Variants in ATP13A5 observed in about 807,000 individuals in gnomAD.
The protein encoded by ATP13A5 is probable cation-transporting ATPase 13A5.
ATP13A5 carries 149 observed loss-of-function variants against 150.2 expected under a neutral mutation model. That is an observed-to-expected ratio of 0.99 (90% CI 0.87 to 1.14). The LOEUF is 1.14. ATP13A5 is among the 50% of genes most tolerant of loss of function. The pLI, the probability that ATP13A5 is intolerant of heterozygous loss-of-function variation, is 0.00. For missense variants in ATP13A5, 1,383 were observed against 1,449.3 expected, an observed-to-expected ratio of 0.95 and a Z score of 0.74; for synonymous variants, 497 against 522.2, an observed-to-expected ratio of 0.95 and a Z score of 0.66.
At position 193,362,959 on chromosome 3, in the gene ATP13A5, T is replaced by A. The variant is rs559245009; in HGVS notation, c.384+277A>T. Among the ~76,000 whole-genome samples, 8 of 152,042 alleles carry A rather than the reference T, an allele frequency of 5.3e-5. 1 individual carries two copies. The highest frequency in any genetic ancestry group is 1.9e-4 in the African/African-American group (8 of 41,468). On this transcript the variant is annotated intron_variant, in intron 3 of 29. Coordinates refer to ENST00000342358, the MANE Select transcript of ATP13A5 (RefSeq NM_198505.4). ...ACAGGCAAGCACCACCACACTCAGC[T>A]CATTTTTTGTTTTTATTTTTTTAAT...
In ATP13A5 at chr3:193,327,799, A is replaced by G. The variant is rs546750228; in HGVS notation, c.1462-742T>C. 2.6e-5 allele frequency among the ~76,000 whole-genome samples: 4 copies of G among 152,334 alleles called. No individual in the cohort carries two copies. The East Asian group carries it at 7.7e-4, about 29-fold the overall frequency. On this transcript the variant is annotated intron_variant, in intron 12 of 29. Transcript: ENST00000342358. ...ATTACATACTCTGGTGTCTTGATGC[A>G]GTAGGCTAACAGTTTTAGGCCTGCT...
At chr3:193,347,067 A>G (rs1221429747) in intron 7 of ATP13A5, among the ~76,000 whole-genome samples, 2 of 152,178 alleles carry the variant, frequency 1.3e-5, no homozygotes, top group African/African-American at 4.8e-5. Context: ...ACAACATTGA[A>G]TTGGATCACT....
Position 193,328,035 on chromosome 3 carries a change from A to G in ATP13A5, c.1462-978T>C, listed in dbSNP as rs551153009. Among the ~76,000 whole-genome samples the G allele has an allele frequency of 2.0e-5, 3 of 152,366 alleles. No homozygotes were observed. In the South Asian group the frequency reaches 6.2e-4, roughly 32 times the overall value. On this transcript the variant is annotated intron_variant, in intron 12 of 29. Coordinates refer to ENST00000342358, the MANE Select transcript of ATP13A5 (RefSeq NM_198505.4). ...CCGTCATTATAGCACATCCATTAGC[A>G]TAATGCTTTACAGGAAAGTGTTTAC...
chr3:193,312,240 A>G (rs1718882857), intron 19 of ATP13A5, among the ~76,000 whole-genome samples: 1 of 152,184 alleles, frequency 6.6e-6, no homozygotes. Flanking sequence ...CCAAATAGTT[A>G]TTACAAGAAT....
At chr3:193,317,060 C>T (rs545922504) in intron 17 of ATP13A5, among the ~76,000 whole-genome samples, 7 of 152,174 alleles carry the variant, frequency 4.6e-5, no homozygotes, top group South Asian at 4.1e-4. Context: ...TGCTTCTTCT[C>T]GTTCACTACT....
intron 1 of ATP13A5, among the ~76,000 whole-genome samples, chr3:193,367,001 T>A (rs1713262604): frequency 6.6e-6 from 1 of 151,986 alleles, no homozygotes; most frequent in Non-Finnish European, 1.5e-5. Flanking sequence ...TCGAACTGAA[T>A]GAAAATGAAA....
intron 27 of ATP13A5, 64 bp from the exon 28 acceptor site, chr3:193,279,518 T>C (rs1407367219): frequency 1.2e-5 from 16 of 1,332,014 alleles, no homozygotes; most frequent in Non-Finnish European, 1.6e-5. Context: ...TTGGCACACA[T>C]TGCAGAATCA....
chr3:193,284,596 G>C (rs183315897), intron 27 of ATP13A5, among the ~76,000 whole-genome samples: 3 of 152,290 alleles, frequency 2.0e-5, no homozygotes, highest in East Asian at 3.9e-4. Flanking sequence ...AGGCTAAAGA[G>C]GTTAATTTGC....
At chr3:193,328,338 T>C (rs1235681970) in intron 12 of ATP13A5, among the ~76,000 whole-genome samples, 2 of 152,264 alleles carry the variant, frequency 1.3e-5, no homozygotes, top group Non-Finnish European at 2.9e-5. Context: ...GTGAATTATT[T>C]CTTAAACAAC....
At chr3:193,352,746 A>G (rs1238805329) in intron 6 of ATP13A5, among the ~76,000 whole-genome samples, 2 of 152,226 alleles carry the variant, frequency 1.3e-5, no homozygotes, top group Non-Finnish European at 2.9e-5. Flanking sequence ...ATAAAGTTAA[A>G]AAAAGCAACC....
In ATP13A5 at chr3:193,297,179, C is replaced by G. The variant is rs112635470; in HGVS notation, c.2848+1952G>C. On this transcript the variant is annotated intron_variant, in intron 25 of 29. Transcript: ENST00000342358. ...AAATAAGTCCTTTCTTCTTGTTGCT[C>G]TTCTTCCCCAGAAACAGGGGTGGAG... Among the ~76,000 whole-genome samples, 1,177 of 152,122 alleles carry G rather than the reference C, an allele frequency of 7.7e-3. 15 individuals carry two copies. Among genetic ancestry groups the G allele is most frequent in the Middle Eastern group, 0.031 (9 of 294 alleles).
At chr3:193,290,552 T>C (rs1173013162) in intron 25 of ATP13A5, among the ~76,000 whole-genome samples, 1 of 152,150 alleles carries the variant, frequency 6.6e-6, no homozygotes, top group Non-Finnish European at 1.5e-5. Flanking sequence ...TCTCTGAGCA[T>C]GTCAATGAGC....
intron 27 of ATP13A5, among the ~76,000 whole-genome samples, chr3:193,281,542 G>A: frequency 6.6e-6 from 1 of 152,126 alleles, no homozygotes; most frequent in South Asian, 2.1e-4. Context: ...TTTCAGGTAA[G>A]GTTAGTAATG....
chr3:193,339,791 CT>C (rs370473259), intron 9 of ATP13A5, among the ~76,000 whole-genome samples: 1 of 150,678 alleles, frequency 6.6e-6, no homozygotes, highest in African/African-American at 2.4e-5. Flanking sequence ...AGATCATTTC[CT>C]TTTTTTTTGC....
intron 1 of ATP13A5, among the ~76,000 whole-genome samples, chr3:193,375,381 C>G (rs1392450326): frequency 6.6e-6 from 1 of 152,144 alleles, no homozygotes; most frequent in African/African-American, 2.4e-5. Flanking sequence ...CTGGAGGCTT[C>G]AGATTTATTT....
At chr3:193,376,313 A>G (rs1295697811) in intron 1 of ATP13A5, among the ~76,000 whole-genome samples, 1 of 152,144 alleles carries the variant, frequency 6.6e-6, no homozygotes, top group East Asian at 1.9e-4. Context: ...TCTGGTGCAT[A>G]GACTGCCATC....
At chr3:193,314,295 A>C in intron 18 of ATP13A5, 102 bp from the exon 19 acceptor site, 3 of 1,303,016 alleles carry the variant, frequency 2.3e-6, no homozygotes, top group Non-Finnish European at 3.2e-6. Flanking sequence ...CTTTGAGAGC[A>C]TTTACCGCTT....
At chr3:193,285,198 A>G in intron 26 of ATP13A5, 82 bp from the exon 27 acceptor site, 1 of 1,165,410 alleles carries the variant, frequency 8.6e-7, no homozygotes, top group South Asian at 1.5e-5. Flanking sequence ...TTTAATCACT[A>G]CCATGGGATT....
At chr3:193,321,538 G>A (rs905451674) in intron 16 of ATP13A5, 143 bp downstream of exon 16, 3 of 820,708 alleles carry the variant, frequency 3.7e-6, no homozygotes, top group Non-Finnish European at 5.6e-6. Context: ...GGCTGAGGCA[G>A]GAGAATCACT....
Sources: allele counts gnomAD v4.1 joint callset (sites outside exome capture counted in the v4.1 genomes callset), GRCh38; gene constraint gnomAD v4.1.1; transcripts MANE v1.5; gene names NCBI Gene and HGNC (gene_info 2026-07-23, HGNC 2026-07-21).